GRM7: variants seen among roughly 807,000 people sequenced by gnomAD.
The protein encoded by GRM7 is metabotropic glutamate receptor 7.
Under a neutral mutation model 84.5 loss-of-function variants are expected in GRM7, and 35 were observed. The ratio of observed to expected loss-of-function variants is 0.41; its 90% CI spans 0.32 to 0.55. The LOEUF is 0.55. Ranked by LOEUF, GRM7 falls within the 20% of genes least tolerant of loss-of-function variation. The pLI is 0.19. For synonymous variants in GRM7, 487 were observed against 455.1 expected (o/e 1.07, Z -0.89); for missense variants, 1,003 against 1,194.6 (o/e 0.84, Z 2.36).
intron 1 of GRM7, among the ~76,000 whole-genome samples, chr3:6,994,017 A>G (rs542028453): frequency 6.6e-6 from 1 of 152,198 alleles, no homozygotes; most frequent in Non-Finnish European, 1.5e-5. Flanking sequence ...CCAAAAATAG[A>G]AAACGATAAT....
chr3:7,664,419 G>A (rs1358725924), intron 8 of GRM7, among the ~76,000 whole-genome samples: 1 of 152,178 alleles, frequency 6.6e-6, no homozygotes, highest in African/African-American at 2.4e-5. Flanking sequence ...CGGTAAAGGG[G>A]TCAGACTTTT....
chr3:7,604,712 G>A (rs998112906), intron 8 of GRM7, among the ~76,000 whole-genome samples: 5 of 152,162 alleles, frequency 3.3e-5, no homozygotes, highest in East Asian at 3.9e-4. Context: ...TTCCTATTAC[G>A]TTCTGGTAGA....
chr3:7,146,974 A>C (rs769115252), intron 2 of GRM7, among the ~76,000 whole-genome samples: 20 of 152,176 alleles, frequency 1.3e-4, no homozygotes, highest in Non-Finnish European at 2.6e-4. Flanking sequence ...AAACGTGGGA[A>C]AATGTGGCTG....
At position 6,862,323 on chromosome 3, in the gene GRM7, C is replaced by A. The variant is rs1233265446; in HGVS notation, c.519+416C>A. 6.6e-6 allele frequency among the ~76,000 whole-genome samples: 1 copy of A among 152,048 alleles called. No individual in the cohort carries two copies. The highest frequency in any genetic ancestry group is 1.5e-5 in the Non-Finnish European group (1 of 68,014). The stretch of plus-strand genomic sequence containing the variant: ...CCTGGAAACCGGGCATTTCCCAACT[C>A]CCCAGCTTCCCACCCCCAAGCCAGC... On this transcript the variant is annotated intron_variant, in intron 1 of 9. Transcript: ENST00000357716. This position sits in a 1 kb window ranked among gnomAD's most constrained non-coding sequence, Gnocchi z 5.2.
chr3:7,032,926 T>G (rs1435551217), intron 1 of GRM7, among the ~76,000 whole-genome samples: 2 of 152,254 alleles, frequency 1.3e-5, no homozygotes, highest in East Asian at 3.9e-4. Context: ...CTTCTATGGT[T>G]TATTAGTTCT....
Position 7,018,026 on chromosome 3 carries a change from C to T in GRM7, c.520-128426C>T, listed in dbSNP as rs1695639181. 2.0e-5 allele frequency among the ~76,000 whole-genome samples: 3 copies of T among 152,166 alleles called. No individual in the cohort carries two copies. In the South Asian group the frequency reaches 6.2e-4, roughly 32 times the overall value. On this transcript the variant is annotated intron_variant, in intron 1 of 9. Coordinates refer to ENST00000357716, the MANE Select transcript of GRM7 (RefSeq NM_000844.4). ...TTATTCCATAAAGTTGAAGAAAGCA[C>T]TATCCAATAAAAATGTGAACCATTG...
At chr3:6,932,005 G>C (rs751661845) in intron 1 of GRM7, among the ~76,000 whole-genome samples, 1 of 152,196 alleles carries the variant, frequency 6.6e-6, no homozygotes, top group Non-Finnish European at 1.5e-5. Context: ...TAGGGTGACA[G>C]GTGTAGAGAT....
intron 1 of GRM7, among the ~76,000 whole-genome samples, chr3:6,943,472 T>C (rs1697958130): frequency 6.6e-6 from 1 of 152,056 alleles, no homozygotes; most frequent in Admixed American, 6.6e-5. Flanking sequence ...TTGTTACAAA[T>C]CTGATGCCAA....
intron 1 of GRM7, among the ~76,000 whole-genome samples, chr3:7,138,010 G>T (rs1006299940): frequency 1.3e-5 from 2 of 151,938 alleles, no homozygotes; most frequent in African/African-American, 4.8e-5. Flanking sequence ...ACATCCAAGT[G>T]CATGAGATAA....
At chr3:7,571,701 C>T (rs1437065998) in intron 7 of GRM7, among the ~76,000 whole-genome samples, 2 of 152,214 alleles carry the variant, frequency 1.3e-5, no homozygotes, top group Non-Finnish European at 2.9e-5. Context: ...TCTGAAGTCA[C>T]TTCCACATTT....
At chr3:7,706,867 C>A (rs1021149740) in intron 9 of GRM7, among the ~76,000 whole-genome samples, 1 of 152,130 alleles carries the variant, frequency 6.6e-6, no homozygotes, top group African/African-American at 2.4e-5. Context: ...CCAACCACCA[C>A]CCTAAATCGC....
At chr3:6,869,799 C>A (rs920355515) in intron 1 of GRM7, among the ~76,000 whole-genome samples, 1 of 152,304 alleles carries the variant, frequency 6.6e-6, no homozygotes, top group East Asian at 1.9e-4. Context: ...AGGCTAAGAG[C>A]AGTGGAAGTC....
intron 1 of GRM7, among the ~76,000 whole-genome samples, chr3:7,125,297 C>A (rs1371471282): frequency 6.6e-6 from 1 of 152,118 alleles, no homozygotes; most frequent in African/African-American, 2.4e-5. Flanking sequence ...TAGACTGAGG[C>A]AGGAGGATCA....
At chr3:7,206,091 G>A (rs543657329) in intron 2 of GRM7, among the ~76,000 whole-genome samples, 1 of 152,256 alleles carries the variant, frequency 6.6e-6, no homozygotes, top group Admixed American at 6.5e-5. Flanking sequence ...TGTGGTAAGC[G>A]GGGATGAAAA....
At chr3:7,382,936 C>T (rs1694646901) in intron 4 of GRM7, among the ~76,000 whole-genome samples, 1 of 152,166 alleles carries the variant, frequency 6.6e-6, no homozygotes, top group Non-Finnish European at 1.5e-5. Flanking sequence ...GGAGGCTGTA[C>T]CCTTGCTATC....
At chr3:7,221,188 G>A (rs1696790132) in intron 2 of GRM7, among the ~76,000 whole-genome samples, 2 of 152,128 alleles carry the variant, frequency 1.3e-5, no homozygotes, top group Admixed American at 6.5e-5. Context: ...TTGAGGTTAT[G>A]TGCATCTTTA....
chr3:7,186,972 T>C (rs1695537324), intron 2 of GRM7, among the ~76,000 whole-genome samples: 2 of 152,136 alleles, frequency 1.3e-5, no homozygotes, highest in South Asian at 4.1e-4. Context: ...TAGTCTCAGC[T>C]GTTTGGGAGG....
chr3:7,441,002 G>A (rs1012929673), intron 5 of GRM7, among the ~76,000 whole-genome samples: 1 of 152,112 alleles, frequency 6.6e-6, no homozygotes, highest in Non-Finnish European at 1.5e-5. Context: ...GTTCCTTTGG[G>A]TATATACTCG....
intron 9 of GRM7, among the ~76,000 whole-genome samples, chr3:7,721,183 A>G (rs902055991): frequency 1.3e-5 from 2 of 152,238 alleles, no homozygotes; most frequent in African/African-American, 4.8e-5. Context: ...AACAAAAACT[A>G]TCAAGAGAAA....
Sources: allele counts gnomAD v4.1 joint callset (sites outside exome capture counted in the v4.1 genomes callset), GRCh38; gene constraint gnomAD v4.1.1; non-coding constraint Gnocchi (gnomAD v3.1); transcripts MANE v1.5; gene names NCBI Gene and HGNC (gene_info 2026-07-23, HGNC 2026-07-21).